RBM44: variants seen among roughly 807,000 people sequenced by gnomAD.
The protein encoded by RBM44 is RNA-binding protein 44.
A neutral mutation model predicts 105.1 loss-of-function variants in RBM44; 66 were observed. The observed-to-expected ratio is 0.63, with a 90% CI of 0.52 to 0.77. The LOEUF is 0.77. Among genes scored for constraint, RBM44 ranks in the 30% least tolerant of loss-of-function variants. The pLI, the probability that RBM44 is intolerant of heterozygous loss-of-function variation, is 0.00. For missense variants in RBM44, 1,122 were observed against 1,207.8 expected (o/e 0.93, Z 1.05); for synonymous variants, 365 against 417.6 (o/e 0.87, Z 1.54).
chr2:237,805,155 A>G (rs536971258), intron 1 of RBM44, among the ~76,000 whole-genome samples: 4 of 152,348 alleles, frequency 2.6e-5, no homozygotes, highest in African/African-American at 7.2e-5. Context: ...TTCAGGATAT[A>G]TCAGTGTATA....
chr2:237,805,003 G>A (rs1033099648), intron 1 of RBM44, among the ~76,000 whole-genome samples: 25 of 152,072 alleles, frequency 1.6e-4, no homozygotes, highest in Admixed American at 1.4e-3. Context: ...CAGAGCAATC[G>A]AGCAAGAGAA....
At chr2:237,838,735 C>T (rs2061982507) in intron 15 of RBM44, among the ~76,000 whole-genome samples, 1 of 152,080 alleles carries the variant, frequency 6.6e-6, no homozygotes, top group Non-Finnish European at 1.5e-5. Context: ...ATTACAGCAA[C>T]AAAATATGAA....
Position 237,827,343 on chromosome 2 carries a change from A to AT in RBM44, c.2529+21dup. ...TCAGTATCTGAGGTATACCAGGATT[A>AT]TTTTTTTGAGCTTCATTTTCAAATT... is the stretch of plus-strand genomic sequence containing the variant. On this transcript the variant is annotated intron_variant, in intron 11 of 15. Coordinates refer to ENST00000316997, the MANE Select transcript of RBM44 (RefSeq NM_001080504.3). The AT allele has an allele frequency of 3.3e-6, 5 of 1,527,386 alleles. No individual in the cohort carries two copies. Among genetic ancestry groups the AT allele is most frequent in the African/African-American group, 2.7e-5 (2 of 72,804 alleles). 94.6% of individuals were successfully genotyped at this position (1,527,386 alleles called of 1,614,324 possible).
chr2:237,813,709 T>C, intron 2 of RBM44, 27 bp downstream of exon 2: 1 of 1,448,342 alleles, frequency 6.9e-7, no homozygotes. Flanking sequence ...CTTACCCTTA[T>C]TCTTGGTGGG....
In RBM44 at chr2:237,841,630, G is replaced by A. The variant is rs1217875440; in HGVS notation, c.*23-209G>A. Reference sequence around the variant, plus strand: ...TTATTAAAATGAAATAAAATGAGAGGCATGTGAAAGAAATATGAGTTAAAA... The same window carrying A: ...TTATTAAAATGAAATAAAATGAGAGACATGTGAAAGAAATATGAGTTAAAA... On this transcript the variant is annotated intron_variant, in intron 15 of 15. Coordinates refer to ENST00000316997, the MANE Select transcript of RBM44 (RefSeq NM_001080504.3). This position sits in a 1 kb window ranked among gnomAD's most constrained non-coding sequence, Gnocchi z 4.5. 1.7e-5 allele frequency among the ~76,000 whole-genome samples: 2 copies of A among 116,348 alleles called. No individual in the cohort carries two copies. Among genetic ancestry groups the A allele is most frequent in the African/African-American group, 6.4e-5 (2 of 31,042 alleles). The allele number at this position is 116,348 out of a possible 152,430, so 76.3% of individuals were successfully genotyped here.
intron 1 of RBM44, among the ~76,000 whole-genome samples, chr2:237,809,163 A>G (rs1005707059): frequency 2.0e-5 from 3 of 152,126 alleles, no homozygotes; most frequent in African/African-American, 7.2e-5. Flanking sequence ...ACTAGTCTAT[A>G]TATTTTTTTA....
In RBM44 at chr2:237,827,448, C is replaced by T; in HGVS notation, c.2545C>T (p.His849Tyr). 1 of 1,531,536 alleles carries T rather than the reference C, an allele frequency of 6.5e-7. No individual in the cohort carries two copies. Among genetic ancestry groups the T allele is most frequent in the Non-Finnish European group, 8.9e-7 (1 of 1,129,640 alleles). 94.9% of individuals were successfully genotyped at this position (1,531,536 alleles called of 1,614,324 possible). A position where few individuals can be genotyped will look rare whatever the true frequency, so the allele number is the denominator to read the frequency against. Reference protein sequence around the residue: ...PSVSEADLRSHFQKYQVSEIS... With the variant: ...PSVSEADLRSYFQKYQVSEIS... The stretch of plus-strand genomic sequence containing the variant: ...CTTCTTTTAGGCCGATTTAAGGTCT[C>T]ATTTCCAAAAATACCAAGTTTCTGA... The change falls in exon 12 of 16, where the codon CAT (histidine) becomes TAT (tyrosine). Residue 849 changes from histidine (H) to tyrosine (Y), a missense_variant. By Grantham distance (83) the His-to-Tyr change is moderately conservative. This residue lies in a region of RBM44 where 10 missense variants were observed against 27.0 expected (regional missense o/e 0.37). Transcript: ENST00000316997.
intron 10 of RBM44, among the ~76,000 whole-genome samples, chr2:237,825,214 TTTG>T (rs1053725641): frequency 6.6e-6 from 1 of 151,904 alleles, no homozygotes. Context: ...GTTTTGGGGT[TTTG>T]TTGTTGTTGT....
chr2:237,833,251 T>A lies in RBM44; in HGVS notation c.2887-746T>A, dbSNP rs139344551. ...AAACAAGCAAGTGAAAGATACAATGTTCTGATGTGAAAGGTCCAGTATATC... is the reference window on the plus strand; with the variant it reads ...AAACAAGCAAGTGAAAGATACAATGATCTGATGTGAAAGGTCCAGTATATC... On this transcript the variant is annotated intron_variant, in intron 13 of 15. Transcript: ENST00000316997. 4.6e-5 allele frequency among the ~76,000 whole-genome samples: 7 copies of A among 152,310 alleles called. No homozygotes were observed. The East Asian group carries it at 9.6e-4, about 21-fold the overall frequency.
In RBM44 at chr2:237,800,749, G is replaced by A. The variant is rs146944399; in HGVS notation, c.-19+1888G>A. 2.8e-3 allele frequency among the ~76,000 whole-genome samples: 411 copies of A among 144,482 alleles called. 3 individuals carry two copies. Among genetic ancestry groups the A allele is most frequent in the African/African-American group, 9.4e-3 (372 of 39,378 alleles). 94.8% of individuals were successfully genotyped at this position (144,482 alleles called of 152,430 possible). A position where few individuals can be genotyped will look rare whatever the true frequency, so the allele number is the denominator to read the frequency against. Reference sequence around the variant, plus strand: ...ATCCTTTTTTTTTTTTTTTTGAGGCGGAGTTTCACTCTTGTTTCCCAGGCT... The same window carrying A: ...ATCCTTTTTTTTTTTTTTTTGAGGCAGAGTTTCACTCTTGTTTCCCAGGCT... On this transcript the variant is annotated intron_variant, in intron 1 of 15. Transcript: ENST00000316997.
intron 1 of RBM44, among the ~76,000 whole-genome samples, chr2:237,802,347 C>G (rs2061553604): frequency 1.3e-5 from 2 of 152,160 alleles, no homozygotes; most frequent in Admixed American, 1.3e-4. Context: ...GTGAACTGTG[C>G]ATGTGAGGGA....
chr2:237,805,335 A>G (rs1012168312), intron 1 of RBM44, among the ~76,000 whole-genome samples: 7 of 152,260 alleles, frequency 4.6e-5, no homozygotes, highest in African/African-American at 1.7e-4. Context: ...GAAAGAAATC[A>G]GACAACACAA....
rs2061742721 is a variant in RBM44, at chr2:237,818,217, C to T, written c.1298C>T (p.Ala433Val). The change falls in exon 3 of 16, where the codon GCT (alanine) becomes GTT (valine). Residue 433 changes from alanine to valine, a missense_variant. By Grantham distance (64) the Ala-to-Val change is moderately conservative. Transcript: ENST00000316997. The surrounding 1 kb of genome is among the most constrained non-coding windows in gnomAD (Gnocchi z 4.6). ...GAAGATAATACGTCCCTAAAAGTTG[C>T]TCATAGCAGTACCACAAAGAAAACA... ...AIEDNTSLKV[A>V]HSSTTKKTCF... is the part of the protein sequence containing the mutation. 6.2e-7 allele frequency: 1 copy of T among 1,613,146 alleles called. No individual in the cohort carries two copies. The highest frequency in any genetic ancestry group is 8.5e-7 in the Non-Finnish European group (1 of 1,179,500).
rs146080759 is a variant in RBM44 at position 237,802,137 on chromosome 2, G to C, written c.-19+3276G>C. Reference sequence around the variant, plus strand: ...ACTCTTACTCATCATTCAGATCTGAGGTTAAGTAACTCTCTGAAAAGCCTT... The same window carrying C: ...ACTCTTACTCATCATTCAGATCTGACGTTAAGTAACTCTCTGAAAAGCCTT... On this transcript the variant is annotated intron_variant, in intron 1 of 15. Coordinates refer to ENST00000316997, the MANE Select transcript of RBM44 (RefSeq NM_001080504.3). 4.2e-3 allele frequency among the ~76,000 whole-genome samples: 645 copies of C among 152,240 alleles called. 3 individuals are homozygous for C. The highest frequency in any genetic ancestry group is 0.015 in the African/African-American group (617 of 41,528).
intron 1 of RBM44, among the ~76,000 whole-genome samples, chr2:237,807,024 A>T (rs1005112079): frequency 1.3e-5 from 2 of 152,206 alleles, no homozygotes; most frequent in African/African-American, 2.4e-5. Context: ...TCATTTTAAT[A>T]GTTTGTCTTT....
intron 1 of RBM44, among the ~76,000 whole-genome samples, chr2:237,810,421 A>T (rs557020540): frequency 9.8e-5 from 15 of 152,328 alleles, no homozygotes; most frequent in Non-Finnish European, 2.1e-4. Flanking sequence ...TGTTGCAGTC[A>T]CTGTGGTCCC....
Position 237,829,556 on chromosome 2 carries a change from A to G in RBM44, c.2886+54A>G, listed in dbSNP as rs375724741. 3.4e-6 allele frequency: 5 copies of G among 1,450,638 alleles called. No homozygotes were observed. The East Asian group carries it at 1.1e-4, about 33-fold the overall frequency. The allele number at this position is 1,450,638 out of a possible 1,614,324, so 89.9% of individuals were successfully genotyped here. On this transcript the variant is annotated intron_variant, in intron 13 of 15. Transcript: ENST00000316997. The stretch of plus-strand genomic sequence containing the variant: ...GGTCTTTGTACGTCATATTGCTGTA[A>G]GTAGCTTTGTAGAATAAATAACTTC...
chr2:237,807,798 TGGGTA>T (rs1017387906), intron 1 of RBM44, among the ~76,000 whole-genome samples: 2 of 152,206 alleles, frequency 1.3e-5, no homozygotes, highest in South Asian at 4.1e-4. Context: ...TATACTTTTC[TGGGTA>T]GCCTAGAACA....
intron 2 of RBM44, among the ~76,000 whole-genome samples, chr2:237,815,384 C>G (rs974109922): frequency 8.6e-5 from 13 of 151,976 alleles, no homozygotes; most frequent in Admixed American, 5.3e-4. Context: ...CCTCATCGTC[C>G]TCCTCATTTT....
Sources: gnomAD v4.1 joint callset for allele counts (sites outside exome capture counted in the v4.1 genomes callset) on GRCh38, gnomAD v4.1.1 for gene constraint, gnomAD v4.1.1 regional missense constraint, Gnocchi (gnomAD v3.1) non-coding constraint, MANE v1.5 for transcripts, NCBI Gene and HGNC (gene_info 2026-07-23, HGNC 2026-07-21) for gene names.